The following SLC16A7 variants were observed in gnomAD, a reference collection of about 807,000 sequenced individuals.
SLC16A7 encodes the protein solute carrier family 16 member 7.
SLC16A7 carries 33 observed loss-of-function variants against 34.9 expected under a neutral mutation model. The observed-to-expected ratio is 0.94, with a 90% CI of 0.72 to 1.26. The LOEUF is 1.26. Among genes scored for constraint, SLC16A7 ranks in the 50% most tolerant of loss-of-function variants. SLC16A7 has a pLI of 0.00. For synonymous variants in SLC16A7, 201 were observed against 206.6 expected, an observed-to-expected ratio of 0.97 and a Z score of 0.23; for missense variants, 573 against 578.1, an observed-to-expected ratio of 0.99 and a Z score of 0.09.
intron 1 of SLC16A7, among the ~76,000 whole-genome samples, chr12:59,605,286 C>A (rs1246247629): frequency 6.6e-6 from 1 of 152,090 alleles, no homozygotes; most frequent in African/African-American, 2.4e-5. Flanking sequence ...AAGTAACAAC[C>A]CCTTGTGGAT....
At chr12:59,662,545 C>T (rs1224936600) in intron 2 of SLC16A7, among the ~76,000 whole-genome samples, 1 of 152,096 alleles carries the variant, frequency 6.6e-6, no homozygotes, top group Non-Finnish European at 1.5e-5. Flanking sequence ...TTTAGCCATT[C>T]TCTCCCCAGG....
At chr12:59,665,142 G>C (rs1247185845) in intron 2 of SLC16A7, among the ~76,000 whole-genome samples, 1 of 152,024 alleles carries the variant, frequency 6.6e-6, no homozygotes, top group African/African-American at 2.4e-5. Context: ...GAGAGATTCT[G>C]TATTGTATTA....
chr12:59,718,343 T>C (rs1049722568), intron 3 of SLC16A7, among the ~76,000 whole-genome samples: 6 of 152,174 alleles, frequency 3.9e-5, no homozygotes, highest in Non-Finnish European at 7.4e-5. Flanking sequence ...GAATAACTCA[T>C]CGTTTTTACT....
intron 1 of SLC16A7, among the ~76,000 whole-genome samples, chr12:59,622,327 G>A (rs1879730463): frequency 6.6e-6 from 1 of 151,716 alleles, no homozygotes; most frequent in Non-Finnish European, 1.5e-5. Context: ...ACAGAACTTG[G>A]TCAAACATTT....
intron 2 of SLC16A7, among the ~76,000 whole-genome samples, chr12:59,659,591 AT>A (rs1868727616): frequency 6.6e-6 from 1 of 152,128 alleles, no homozygotes; most frequent in African/African-American, 2.4e-5. Context: ...GGAAAAATAT[AT>A]TCAGCTAGCC....
chr12:59,598,223 T>G (rs1878516940), intron 1 of SLC16A7, among the ~76,000 whole-genome samples: 3 of 152,224 alleles, frequency 2.0e-5, no homozygotes, highest in African/African-American at 7.2e-5. Context: ...TTTGTAAGGT[T>G]GAGTAATTGT....
intron 2 of SLC16A7, among the ~76,000 whole-genome samples, chr12:59,699,505 T>C (rs889355000): frequency 2.6e-5 from 4 of 151,722 alleles, no homozygotes; most frequent in Non-Finnish European, 4.4e-5. Flanking sequence ...TGTAAATTTC[T>C]ACAATAAATC....
At chr12:59,613,271 C>A (rs977817208) in intron 1 of SLC16A7, among the ~76,000 whole-genome samples, 1 of 152,184 alleles carries the variant, frequency 6.6e-6, no homozygotes, top group Non-Finnish European at 1.5e-5. Flanking sequence ...CTTGTGAGAA[C>A]TCACTCACTA....
chr12:59,627,719 G>A (rs1423436805), intron 1 of SLC16A7, among the ~76,000 whole-genome samples: 2 of 150,914 alleles, frequency 1.3e-5, no homozygotes, highest in East Asian at 2.0e-4. Flanking sequence ...CACTATTATT[G>A]AAACCCCTTC....
intron 1 of SLC16A7, among the ~76,000 whole-genome samples, chr12:59,653,280 A>G (rs1868380237): frequency 6.6e-6 from 1 of 151,684 alleles, no homozygotes. Context: ...GAGAAAGAAA[A>G]CTTCCTTAAC....
At chr12:59,705,066 TC>T in intron 3 of SLC16A7, 48 bp downstream of exon 3, 1 of 1,287,464 alleles carries the variant, frequency 7.8e-7, no homozygotes. Flanking sequence ...AAATAATTCC[TC>T]CATGTCACAA....
At chr12:59,678,366 T>C (rs569769435) in intron 2 of SLC16A7, among the ~76,000 whole-genome samples, 4 of 152,120 alleles carry the variant, frequency 2.6e-5, no homozygotes, top group Non-Finnish European at 5.9e-5. Context: ...TATTGAGTGA[T>C]AGAACAGCTC....
At chr12:59,629,133 T>G (rs1200554250) in intron 1 of SLC16A7, among the ~76,000 whole-genome samples, 1 of 151,822 alleles carries the variant, frequency 6.6e-6, no homozygotes, top group Non-Finnish European at 1.5e-5. Flanking sequence ...TGATCTCTTC[T>G]TATAAGGACA....
chr12:59,756,562 A>G (rs1027372304), intron 3 of SLC16A7, among the ~76,000 whole-genome samples: 6 of 152,014 alleles, frequency 3.9e-5, no homozygotes, highest in East Asian at 1.9e-4. Context: ...ATGAGATACC[A>G]TCTCACACCA....
At chr12:59,707,230 TG>T (rs1255948463) in intron 3 of SLC16A7, among the ~76,000 whole-genome samples, 1 of 152,116 alleles carries the variant, frequency 6.6e-6, no homozygotes, top group African/African-American at 2.4e-5. Context: ...CCATGGATGC[TG>T]GGAAATACAG....
chr12:59,608,000 C>T (rs1051355838), intron 1 of SLC16A7, among the ~76,000 whole-genome samples: 1 of 152,164 alleles, frequency 6.6e-6, no homozygotes, highest in African/African-American at 2.4e-5. Flanking sequence ...CCAATTTGTT[C>T]TATCATGTGG....
intron 3 of SLC16A7, among the ~76,000 whole-genome samples, chr12:59,716,984 G>C (rs1874980771): frequency 6.6e-6 from 1 of 152,212 alleles, no homozygotes; most frequent in Non-Finnish European, 1.5e-5. Flanking sequence ...GTAAGCGGCT[G>C]TGATATTGGT....
chr12:59,698,171 A>T (rs1872528939), intron 2 of SLC16A7, among the ~76,000 whole-genome samples: 1 of 151,776 alleles, frequency 6.6e-6, no homozygotes, highest in Admixed American at 6.6e-5. Context: ...AGCTTATAAT[A>T]TTGAGATAAG....
intron 3 of SLC16A7, among the ~76,000 whole-genome samples, chr12:59,706,768 T>C (rs990921949): frequency 6.6e-6 from 1 of 152,118 alleles, no homozygotes; most frequent in African/African-American, 2.4e-5. Context: ...TGTAGAGGGT[T>C]TTCTTGCCTC....
Sources: gnomAD v4.1 joint callset for allele counts (sites outside exome capture counted in the v4.1 genomes callset) on GRCh38, gnomAD v4.1.1 for gene constraint, MANE v1.5 for transcripts, NCBI Gene and HGNC (gene_info 2026-07-23, HGNC 2026-07-21) for gene names.